NFIB: variants seen among roughly 807,000 people sequenced by gnomAD.
NFIB encodes the protein nuclear factor 1 B-type.
A neutral mutation model predicts 61.5 loss-of-function variants in NFIB; 11 were observed. That is an observed-to-expected ratio of 0.18 (90% CI 0.11 to 0.30). The LOEUF (loss-of-function observed/expected upper bound fraction) is 0.30. Among genes scored for constraint, NFIB ranks in the 10% least tolerant of loss-of-function variants. The probability of loss-of-function intolerance (pLI) is 1.00; values close to 1 mark genes in which losing one functional copy is unlikely to be tolerated. For missense variants in NFIB, 471 were observed against 608.9 expected, an observed-to-expected ratio of 0.77 and a Z score of 2.38; for synonymous variants, 260 against 216.5, an observed-to-expected ratio of 1.20 and a Z score of -1.76.
At chr9:14,148,168 GC>G (rs1007257094) in intron 5 of NFIB, among the ~76,000 whole-genome samples, 3 of 151,982 alleles carry the variant, frequency 2.0e-5, no homozygotes, top group Non-Finnish European at 2.9e-5. Context: ...TGTTGTCCAG[GC>G]TGGAGTGCAG....
chr9:14,326,965 T>C (rs2060761251), intron 1 of NFIB, among the ~76,000 whole-genome samples: 1 of 152,132 alleles, frequency 6.6e-6, no homozygotes, highest in South Asian at 2.1e-4. Flanking sequence ...AAAATGCCCT[T>C]AAAAAGAAAA....
chr9:14,146,942 G>A (rs2042335119), intron 5 of NFIB, 135 bp from the exon 6 acceptor site: 8 of 1,159,188 alleles, frequency 6.9e-6, no homozygotes, highest in Admixed American at 2.6e-5. Flanking sequence ...ATAATGGTGA[G>A]TATTGAAGAT....
chr9:14,346,438 C>A (rs1428974991), intron 1 of NFIB, among the ~76,000 whole-genome samples: 1 of 152,098 alleles, frequency 6.6e-6, no homozygotes, highest in Non-Finnish European at 1.5e-5. Context: ...AGAGCACAAC[C>A]CTGGCAGGGT....
intron 1 of NFIB, among the ~76,000 whole-genome samples, chr9:14,330,795 T>A (rs1235116469): frequency 6.6e-6 from 1 of 152,160 alleles, no homozygotes; most frequent in Non-Finnish European, 1.5e-5. Context: ...AGTCTACAGT[T>A]ACTCTCTTGG....
chr9:14,133,952 C>T (rs2040701682), intron 6 of NFIB, among the ~76,000 whole-genome samples: 1 of 152,190 alleles, frequency 6.6e-6, no homozygotes, highest in Non-Finnish European at 1.5e-5. Context: ...CAAGCAGGCT[C>T]TGCCTTTACT....
chr9:14,197,268 T>C (rs2048573060), intron 2 of NFIB, among the ~76,000 whole-genome samples: 1 of 152,206 alleles, frequency 6.6e-6, no homozygotes, highest in African/African-American at 2.4e-5. Context: ...ACCCTTAACC[T>C]TTCTCAGTCT....
chr9:14,452,113 G>C, the NFIB span, among the ~76,000 whole-genome samples: 2 of 151,896 alleles, frequency 1.3e-5, no homozygotes, highest in Non-Finnish European at 2.9e-5. Flanking sequence ...TTGCATTTCT[G>C]GTCTCATAAA....
At chr9:14,363,525 T>C (rs73419623) in intron 1 of NFIB, among the ~76,000 whole-genome samples, 2,652 of 152,248 alleles carry the variant, frequency 0.017, 77 homozygotes, top group African/African-American at 0.06. Flanking sequence ...TAAGAGGTGT[T>C]TCTGAAGACC....
intron 2 of NFIB, among the ~76,000 whole-genome samples, chr9:14,274,862 T>G (rs993376026): frequency 1.3e-5 from 2 of 152,154 alleles, no homozygotes; most frequent in Non-Finnish European, 2.9e-5. Context: ...GAAGAGGTGG[T>G]GGAGTTCTGT....
intron 2 of NFIB, among the ~76,000 whole-genome samples, chr9:14,294,653 T>C (rs2059307764): frequency 6.6e-6 from 1 of 152,208 alleles, no homozygotes; most frequent in Non-Finnish European, 1.5e-5. Context: ...AGCTAATCAA[T>C]GTACTGATCC....
At chr9:14,519,986 C>T in the NFIB span, among the ~76,000 whole-genome samples, 2 of 151,812 alleles carry the variant, frequency 1.3e-5, no homozygotes, top group South Asian at 2.1e-4. Flanking sequence ...CCTTAGTTCT[C>T]TACGTTATAA....
chr9:14,363,865 G>A (rs2061269997), intron 1 of NFIB, among the ~76,000 whole-genome samples: 1 of 151,970 alleles, frequency 6.6e-6, no homozygotes. Flanking sequence ...ATGTCAGTTG[G>A]TAAAAACTTA....
intron 2 of NFIB, among the ~76,000 whole-genome samples, chr9:14,286,142 G>C (rs1242859381): frequency 1.3e-5 from 2 of 152,076 alleles, no homozygotes; most frequent in South Asian, 2.1e-4. Flanking sequence ...AGAAATTATT[G>C]GGTGTACCCC....
intron 2 of NFIB, among the ~76,000 whole-genome samples, chr9:14,259,413 C>T (rs2132218869): frequency 6.6e-6 from 1 of 152,292 alleles, no homozygotes. Flanking sequence ...TCAAAATGGT[C>T]TAAGTTCCTA....
intron 2 of NFIB, chr9:14,204,643 A>G: frequency 1.5e-6 from 1 of 666,510 alleles, no homozygotes; most frequent in South Asian, 1.7e-5. Flanking sequence ...CACTAAGAAC[A>G]CCTGTCCTTC....
At chr9:14,178,236 GA>G (rs919008714) in intron 3 of NFIB, among the ~76,000 whole-genome samples, 1 of 151,670 alleles carries the variant, frequency 6.6e-6, no homozygotes, top group Non-Finnish European at 1.5e-5. Context: ...TAATTAAAAA[GA>G]AAAAAATCTT....
intron 1 of NFIB, chr9:14,398,376 C>T (rs749977411): frequency 5.2e-6 from 3 of 574,436 alleles, no homozygotes; most frequent in Non-Finnish European, 9.1e-6. Flanking sequence ...CCTCAGTAGT[C>T]GCTCTACATT....
chr9:14,223,315 CCTCGCCTT>C (rs1372029809), intron 2 of NFIB, among the ~76,000 whole-genome samples: 1 of 152,200 alleles, frequency 6.6e-6, no homozygotes, highest in Non-Finnish European at 1.5e-5. Flanking sequence ...CTGACCTTGT[CCTCGCCTT>C]ACTGATAAGT....
intron 1 of NFIB, among the ~76,000 whole-genome samples, chr9:14,387,847 T>A (rs73641920): frequency 6.6e-6 from 1 of 152,156 alleles, no homozygotes. Flanking sequence ...ATGACACACA[T>A]AGAGAAAGAT....
Sources: allele counts gnomAD v4.1 joint callset (sites outside exome capture counted in the v4.1 genomes callset), GRCh38; gene constraint gnomAD v4.1.1; transcripts MANE v1.5; gene names NCBI Gene and HGNC (gene_info 2026-07-23, HGNC 2026-07-21).